The following FCHO2 variants were observed in gnomAD, a reference collection of about 807,000 sequenced individuals.
The protein encoded by FCHO2 is F-BAR domain only protein 2.
A neutral mutation model predicts 114.1 loss-of-function variants in FCHO2; 43 were observed. The observed-to-expected ratio is 0.38, with a 90% CI of 0.30 to 0.49. The LOEUF (loss-of-function observed/expected upper bound fraction) is 0.49. FCHO2 is among the 20% of genes least tolerant of loss of function. The pLI is 0.97. For missense variants in FCHO2, 807 were observed against 950.4 expected, an observed-to-expected ratio of 0.85 and a Z score of 1.98; for synonymous variants, 293 against 315.2, an observed-to-expected ratio of 0.93 and a Z score of 0.75.
intron 18 of FCHO2, among the ~76,000 whole-genome samples, chr5:73,067,229 TA>T (rs1191529157): frequency 6.6e-6 from 1 of 151,992 alleles, no homozygotes; most frequent in Non-Finnish European, 1.5e-5. Flanking sequence ...TAAAAAAAAT[TA>T]AAAAGGCAGT....
intron 1 of FCHO2, among the ~76,000 whole-genome samples, chr5:72,958,617 C>T (rs1469814046): frequency 6.6e-6 from 1 of 152,146 alleles, no homozygotes; most frequent in Non-Finnish European, 1.5e-5. Flanking sequence ...AATTTGGAAT[C>T]AGGAAGTATG....
chr5:72,992,868 A>G (rs932007656), intron 5 of FCHO2, among the ~76,000 whole-genome samples: 2 of 152,134 alleles, frequency 1.3e-5, no homozygotes, highest in Admixed American at 6.6e-5. Flanking sequence ...AGTATAAAGC[A>G]TAACACAATT....
At chr5:72,985,327 A>G (rs1047534258) in intron 2 of FCHO2, among the ~76,000 whole-genome samples, 3 of 151,522 alleles carry the variant, frequency 2.0e-5, no homozygotes, top group Non-Finnish European at 2.9e-5. Flanking sequence ...ACGCCCATCT[A>G]ATTTTTGTAT....
intron 17 of FCHO2, 132 bp from the exon 18 acceptor site, chr5:73,063,709 T>G: frequency 1.4e-6 from 1 of 737,894 alleles, no homozygotes; most frequent in Middle Eastern, 2.4e-4. Context: ...ACATCTATAA[T>G]TACATCTAAA....
intron 8 of FCHO2, among the ~76,000 whole-genome samples, chr5:73,024,124 A>G (rs942828780): frequency 3.3e-5 from 5 of 152,004 alleles, no homozygotes; most frequent in Non-Finnish European, 5.9e-5. Context: ...CAGTGATGCA[A>G]TCATAGCTCA....
rs751549490 is a variant in FCHO2 at position 72,995,109 on chromosome 5, CTAAAA to C, written c.495+4251_495+4255del. Among the ~76,000 whole-genome samples the C allele has an allele frequency of 5.9e-4, 89 of 151,924 alleles. 1 individual carries two copies. The highest frequency in any genetic ancestry group is 1.4e-3 in the Admixed American group (22 of 15,266). ...GAAACCTTCACATGTTCCCCTGAAC[CTAAAA>C]TAAAAGTTAAAAAAGGAAATGCTTT... On this transcript the variant is annotated intron_variant, in intron 5 of 25. Coordinates refer to ENST00000430046, the MANE Select transcript of FCHO2 (RefSeq NM_138782.3).
chr5:72,979,409 T>TTG (rs1233299675), intron 2 of FCHO2, among the ~76,000 whole-genome samples: 23 of 125,768 alleles, frequency 1.8e-4, no homozygotes, highest in Non-Finnish European at 3.2e-4. Context: ...TTTTTTTTTT[T>TTG]GAGACGGAGT....
intron 2 of FCHO2, among the ~76,000 whole-genome samples, chr5:72,977,978 ATC>A (rs1187300325): frequency 2.0e-5 from 3 of 152,096 alleles, no homozygotes; most frequent in African/African-American, 7.2e-5. Flanking sequence ...ATTGGTCTAT[ATC>A]TCTGTTTTGG....
chr5:72,982,734 C>G (rs1181747648), intron 2 of FCHO2, among the ~76,000 whole-genome samples: 9 of 150,502 alleles, frequency 6.0e-5, no homozygotes, highest in Admixed American at 5.3e-4. Context: ...ATGTTATCTT[C>G]TAGGGGTTTT....
chr5:73,027,312 C>T (rs1294703350), intron 8 of FCHO2, among the ~76,000 whole-genome samples: 1 of 150,096 alleles, frequency 6.7e-6, no homozygotes, highest in Non-Finnish European at 1.5e-5. Flanking sequence ...AAAAGTTCAG[C>T]AGGTTTCCAT....
At chr5:73,069,617 TG>T (rs1742535241) in intron 19 of FCHO2, among the ~76,000 whole-genome samples, 2 of 151,932 alleles carry the variant, frequency 1.3e-5, no homozygotes, top group Non-Finnish European at 2.9e-5. Flanking sequence ...ATTTGAGTGA[TG>T]GGGTGGGGGG....
intron 5 of FCHO2, among the ~76,000 whole-genome samples, chr5:72,999,339 A>T (rs1349248230): frequency 1.3e-5 from 2 of 148,380 alleles, no homozygotes; most frequent in East Asian, 4.0e-4. Flanking sequence ...TATAGGTGTT[A>T]TAACATAATT....
intron 5 of FCHO2, among the ~76,000 whole-genome samples, chr5:72,991,075 T>C (rs931037035): frequency 3.9e-5 from 6 of 152,186 alleles, no homozygotes; most frequent in Admixed American, 3.9e-4. Context: ...AAAACAATGA[T>C]TGATTTGAGA....
chr5:73,088,323 C>A lies in FCHO2; in HGVS notation c.*233C>A, dbSNP rs1029510475. ...ACAATATTCAGGAAGCACATTTATT[C>A]AGATTCTCAGTAAAAATGAAGTTTT... On this transcript the variant is annotated 3_prime_UTR_variant, in exon 26 of 26. Transcript: ENST00000430046. 1 of 520,116 alleles carries A rather than the reference C, an allele frequency of 1.9e-6. No individual in the cohort carries two copies. The allele number at this position is 520,116 out of a possible 1,614,324, so 32.2% of individuals were successfully genotyped here. A position where few individuals can be genotyped will look rare whatever the true frequency, so the allele number is the denominator to read the frequency against.
At chr5:72,972,483 C>T (rs1752612210) in intron 2 of FCHO2, among the ~76,000 whole-genome samples, 1 of 152,160 alleles carries the variant, frequency 6.6e-6, no homozygotes, top group Non-Finnish European at 1.5e-5. Context: ...GGAGTTCACT[C>T]ATGATTTGGC....
intron 6 of FCHO2, among the ~76,000 whole-genome samples, chr5:73,007,679 G>A (rs530359561): frequency 7.9e-5 from 12 of 152,294 alleles, no homozygotes; most frequent in African/African-American, 2.9e-4. Context: ...ACTCTGTTAG[G>A]TGCTGGTGTG....
chr5:73,072,404 G>C (rs962174988), intron 19 of FCHO2, among the ~76,000 whole-genome samples: 1 of 151,902 alleles, frequency 6.6e-6, no homozygotes, highest in Non-Finnish European at 1.5e-5. Context: ...TTACTTCTGG[G>C]TATATACCCA....
intron 11 of FCHO2, among the ~76,000 whole-genome samples, chr5:73,048,870 CTTT>C (rs764057424): frequency 9.5e-6 from 1 of 105,448 alleles, no homozygotes; most frequent in African/African-American, 3.8e-5. Context: ...AATTTGCTAT[CTTT>C]TTTTTTTTTT....
chr5:72,992,129 G>A (rs1271183329), intron 5 of FCHO2, among the ~76,000 whole-genome samples: 1 of 152,080 alleles, frequency 6.6e-6, no homozygotes, highest in African/African-American at 2.4e-5. Flanking sequence ...AACTAGAAGA[G>A]AATGTGGAAA....
Sources: gnomAD v4.1 joint callset for allele counts (sites outside exome capture counted in the v4.1 genomes callset) on GRCh38, gnomAD v4.1.1 for gene constraint, MANE v1.5 for transcripts, NCBI Gene and HGNC (gene_info 2026-07-23, HGNC 2026-07-21) for gene names.